Variants in PLXDC2 observed in about 807,000 individuals in gnomAD.
PLXDC2 encodes the protein plexin domain containing 2.
In PLXDC2, 40 loss-of-function variants were observed where a neutral mutation model predicts 68.9. That is an observed-to-expected ratio of 0.58 (90% CI 0.45 to 0.76). The LOEUF is 0.76. Ranked by LOEUF, PLXDC2 falls within the 30% of genes least tolerant of loss-of-function variation. The pLI is 0.00. For missense variants in PLXDC2, 644 were observed against 661.9 expected, an observed-to-expected ratio of 0.97 and a Z score of 0.30; for synonymous variants, 243 against 234.2, an observed-to-expected ratio of 1.04 and a Z score of -0.34.
At chr10:20,276,203 A>G (rs182402511) in intron 13 of PLXDC2, among the ~76,000 whole-genome samples, 9 of 152,012 alleles carry the variant, frequency 5.9e-5, no homozygotes, top group Admixed American at 3.3e-4. Context: ...TTTCTTTCAT[A>G]CTCATGCCTG....
intron 6 of PLXDC2, among the ~76,000 whole-genome samples, chr10:20,154,545 C>G (rs1234712403): frequency 1.5e-5 from 2 of 137,540 alleles, no homozygotes; most frequent in Non-Finnish European, 3.1e-5. Context: ...GCCTGGGCGA[C>G]AGAAGGAGAC....
chr10:20,113,296 A>G (rs1259644336), intron 4 of PLXDC2, among the ~76,000 whole-genome samples: 4 of 152,204 alleles, frequency 2.6e-5, no homozygotes, highest in Admixed American at 2.0e-4. Context: ...CTTGCTTGCC[A>G]AGATTGGGTT....
At chr10:19,831,575 C>T (rs1468535928) in intron 1 of PLXDC2, among the ~76,000 whole-genome samples, 5 of 152,134 alleles carry the variant, frequency 3.3e-5, no homozygotes, top group Non-Finnish European at 7.4e-5. Flanking sequence ...TTCTGCTCCT[C>T]TCACTCCTCC....
intron 2 of PLXDC2, among the ~76,000 whole-genome samples, chr10:20,044,144 CT>C (rs1232630751): frequency 7.3e-6 from 1 of 137,190 alleles, no homozygotes; most frequent in African/African-American, 2.6e-5. Flanking sequence ...CCCTCTCTCT[CT>C]TTTTCCTTCC....
At chr10:20,001,714 A>G (rs972152420) in intron 1 of PLXDC2, 61 bp from the exon 2 acceptor site, 287 of 1,467,046 alleles carry the variant, frequency 2.0e-4, no homozygotes, top group Middle Eastern at 1.9e-3. Context: ...TCGAGCCGAT[A>G]GCACTTGCAT....
intron 3 of PLXDC2, among the ~76,000 whole-genome samples, chr10:20,048,950 C>T (rs1835845348): frequency 6.6e-6 from 1 of 152,116 alleles, no homozygotes. Flanking sequence ...TTGCCTCATA[C>T]ATAAATGGAA....
At chr10:19,942,048 A>G (rs1183564586) in intron 1 of PLXDC2, among the ~76,000 whole-genome samples, 2 of 152,110 alleles carry the variant, frequency 1.3e-5, no homozygotes, top group Non-Finnish European at 2.9e-5. Flanking sequence ...ACACAGAAGC[A>G]GAAAGCCCAA....
In PLXDC2 at chr10:20,237,939, AT is replaced by A. The variant is rs928591276; in HGVS notation, c.1313-7403del. 5.3e-4 allele frequency among the ~76,000 whole-genome samples: 80 copies of A among 152,070 alleles called. 1 individual carries two copies. Reference sequence around the variant, plus strand: ...ATATTTCTATTTTAGTTTTTTCTTTATTTCTGGACTTTAATTGTTGGCAAGA... The same window carrying A: ...ATATTTCTATTTTAGTTTTTTCTTTATTCTGGACTTTAATTGTTGGCAAGA... On this transcript the variant is annotated intron_variant, in intron 12 of 13. Coordinates refer to ENST00000377252, the MANE Select transcript of PLXDC2 (RefSeq NM_032812.9).
At chr10:20,093,728 T>C (rs1833311681) in intron 4 of PLXDC2, among the ~76,000 whole-genome samples, 1 of 152,154 alleles carries the variant, frequency 6.6e-6, no homozygotes, top group Non-Finnish European at 1.5e-5. Flanking sequence ...GGCTGTAGTG[T>C]AGTGGCGCGG....
At chr10:20,248,359 C>T (rs890001257) in intron 13 of PLXDC2, among the ~76,000 whole-genome samples, 7 of 152,040 alleles carry the variant, frequency 4.6e-5, no homozygotes, top group Non-Finnish European at 1.0e-4. Flanking sequence ...AATATTAGAG[C>T]TAGATGGAAT....
rs868269263 is a variant in PLXDC2, at chr10:20,118,132, A to C, written c.542-25163A>C. On this transcript the variant is annotated intron_variant, in intron 4 of 13. Transcript: ENST00000377252. ...CACACACACACACACACACACACAC[A>C]CACACAGACACACACACACCCTTTT... is the stretch of plus-strand genomic sequence containing the variant. 1.5e-4 allele frequency among the ~76,000 whole-genome samples: 22 copies of C among 143,896 alleles called. No individual in the cohort carries two copies. The South Asian group carries it at 2.7e-3, about 17-fold the overall frequency. 94.4% of individuals were successfully genotyped at this position (143,896 alleles called of 152,430 possible).
intron 2 of PLXDC2, among the ~76,000 whole-genome samples, chr10:20,043,662 G>T (rs977721389): frequency 6.6e-6 from 1 of 151,938 alleles, no homozygotes; most frequent in Non-Finnish European, 1.5e-5. Context: ...TTCACCTAAA[G>T]ATTACATCTT....
At chr10:20,208,952 G>A (rs574942928) in intron 9 of PLXDC2, among the ~76,000 whole-genome samples, 40 of 152,128 alleles carry the variant, frequency 2.6e-4, no homozygotes, top group South Asian at 1.2e-3. Flanking sequence ...GGGAGTGTAC[G>A]AATAGGGTGT....
At chr10:19,820,349 C>T (rs920083554) in intron 1 of PLXDC2, among the ~76,000 whole-genome samples, 2 of 152,054 alleles carry the variant, frequency 1.3e-5, no homozygotes, top group Admixed American at 1.3e-4. Context: ...AATATGTGTC[C>T]GGCCGGGCGC....
At chr10:20,007,802 A>G (rs1183154815) in intron 2 of PLXDC2, among the ~76,000 whole-genome samples, 1 of 152,194 alleles carries the variant, frequency 6.6e-6, no homozygotes, top group Non-Finnish European at 1.5e-5. Context: ...GGTTGCAAGG[A>G]TTTAGCTATT....
intron 4 of PLXDC2, among the ~76,000 whole-genome samples, chr10:20,137,767 C>T (rs1372050417): frequency 6.6e-6 from 1 of 152,336 alleles, no homozygotes; most frequent in South Asian, 2.1e-4. Context: ...TGGCCAGGGC[C>T]GTTGTCTGTG....
intron 13 of PLXDC2, among the ~76,000 whole-genome samples, chr10:20,263,171 T>C (rs1835830275): frequency 6.6e-6 from 1 of 152,068 alleles, no homozygotes; most frequent in Admixed American, 6.5e-5. Context: ...CGCAGACCAA[T>C]GGAACAGAAT....
intron 4 of PLXDC2, among the ~76,000 whole-genome samples, chr10:20,117,452 A>T (rs1429579763): frequency 6.6e-6 from 1 of 152,180 alleles, no homozygotes; most frequent in Non-Finnish European, 1.5e-5. Flanking sequence ...GACAAAATTT[A>T]TATGAGAGAA....
chr10:20,168,414 A>G (rs1347363883), intron 7 of PLXDC2, among the ~76,000 whole-genome samples: 1 of 152,128 alleles, frequency 6.6e-6, no homozygotes, highest in African/African-American at 2.4e-5. Context: ...AGCGATACTA[A>G]CTTAGATGTC....
Sources: gnomAD v4.1 joint callset for allele counts (sites outside exome capture counted in the v4.1 genomes callset) on GRCh38, gnomAD v4.1.1 for gene constraint, MANE v1.5 for transcripts, NCBI Gene and HGNC (gene_info 2026-07-23, HGNC 2026-07-21) for gene names.